The following HEMK2 variants were observed in gnomAD, a reference collection of about 807,000 sequenced individuals.
HEMK2 encodes methyltransferase HEMK2.
the HEMK2 span, chr21:28,873,690 A>G: frequency 1.3e-5 from 2 of 152,352 alleles, no homozygotes; most frequent in East Asian, 1.9e-4. Context: ...GGGGTAGTCC[A>G]GTTTCTACTT....
chr21:28,642,272 T>C, the HEMK2 span, among the ~76,000 whole-genome samples: 1 of 152,198 alleles, frequency 6.6e-6, no homozygotes, highest in Non-Finnish European at 1.5e-5. Context: ...AAAGTGATCT[T>C]GAGGTGGGAT....
chr21:28,660,396 A>T, the HEMK2 span, among the ~76,000 whole-genome samples: 7 of 151,776 alleles, frequency 4.6e-5, no homozygotes, highest in Admixed American at 4.6e-4. Context: ...TTTTACTTTT[A>T]CATAAAATGT....
At chr21:28,738,486 G>A in the HEMK2 span, among the ~76,000 whole-genome samples, 4 of 152,312 alleles carry the variant, frequency 2.6e-5, no homozygotes, top group South Asian at 2.1e-4. Flanking sequence ...CACAGAGAAC[G>A]TCTCCCTCTT....
chr21:28,657,678 A>G, the HEMK2 span, among the ~76,000 whole-genome samples: 1 of 152,214 alleles, frequency 6.6e-6, no homozygotes, highest in Non-Finnish European at 1.5e-5. Flanking sequence ...AGAATACTGG[A>G]GTTTTTTAAA....
At chr21:28,720,826 A>G in the HEMK2 span, among the ~76,000 whole-genome samples, 1 of 152,192 alleles carries the variant, frequency 6.6e-6, no homozygotes, top group Non-Finnish European at 1.5e-5. Flanking sequence ...AGAGCACTCA[A>G]CTGGAGCTGG....
At chr21:28,772,595 T>C in the HEMK2 span, among the ~76,000 whole-genome samples, 12 of 152,232 alleles carry the variant, frequency 7.9e-5, no homozygotes, top group African/African-American at 2.7e-4. Flanking sequence ...TTTAATGTAT[T>C]TTCAAATTAT....
the HEMK2 span, among the ~76,000 whole-genome samples, chr21:28,630,600 T>C: frequency 7.9e-5 from 12 of 151,490 alleles, no homozygotes; most frequent in African/African-American, 2.4e-4. Context: ...TATGCAGCCA[T>C]AAAAAATGAT....
chr21:28,678,927 T>C, the HEMK2 span, among the ~76,000 whole-genome samples: 4 of 152,246 alleles, frequency 2.6e-5, no homozygotes, highest in East Asian at 7.7e-4. Context: ...CCGGTACCAG[T>C]CACTGCAAAA....
the HEMK2 span, among the ~76,000 whole-genome samples, chr21:28,647,277 A>T: frequency 6.9e-6 from 1 of 144,600 alleles, no homozygotes; most frequent in Admixed American, 6.9e-5. Context: ...CAGGGTCAAG[A>T]GATCGAGACT....
chr21:28,867,372 C>A, the HEMK2 span, among the ~76,000 whole-genome samples: 24 of 152,140 alleles, frequency 1.6e-4, no homozygotes, highest in Non-Finnish European at 2.8e-4. Flanking sequence ...TTATAAAAAT[C>A]TTTTTATAAT....
At chr21:28,799,405 C>T in the HEMK2 span, among the ~76,000 whole-genome samples, 1 of 152,114 alleles carries the variant, frequency 6.6e-6, no homozygotes, top group Non-Finnish European at 1.5e-5. Flanking sequence ...CCACTGGGTC[C>T]CTCCCACAAC....
At chr21:28,869,600 G>A in the HEMK2 span, among the ~76,000 whole-genome samples, 1 of 152,270 alleles carries the variant, frequency 6.6e-6, no homozygotes, top group South Asian at 2.1e-4. Context: ...TCCAGGACTG[G>A]CTCGAAAATC....
At chr21:28,834,611 T>C in the HEMK2 span, among the ~76,000 whole-genome samples, 2 of 152,122 alleles carry the variant, frequency 1.3e-5, no homozygotes, top group African/African-American at 4.8e-5. Context: ...CTAGCTGAAC[T>C]ATGTAACAAT....
At chr21:28,878,165 C>G in the HEMK2 span, 1 of 1,505,654 alleles carries the variant, frequency 6.6e-7, no homozygotes, top group East Asian at 2.4e-5. Flanking sequence ...AACATAAATG[C>G]TTAAACAATA....
chr21:28,616,207 G>A, the HEMK2 span, among the ~76,000 whole-genome samples: 1 of 152,174 alleles, frequency 6.6e-6, no homozygotes, highest in Non-Finnish European at 1.5e-5. Flanking sequence ...CAAGGCTGAA[G>A]ATAGTGCTAA....
the HEMK2 span, among the ~76,000 whole-genome samples, chr21:28,797,118 T>C: frequency 6.6e-6 from 1 of 152,144 alleles, no homozygotes; most frequent in Non-Finnish European, 1.5e-5. Flanking sequence ...GATGCCAAGA[T>C]ATTCTTGTTT....
the HEMK2 span, among the ~76,000 whole-genome samples, chr21:28,866,864 T>C: frequency 6.6e-6 from 1 of 152,036 alleles, no homozygotes; most frequent in Admixed American, 6.5e-5. Flanking sequence ...ACAACAGAAA[T>C]CTGATACAAA....
At chr21:28,596,886 T>C in the HEMK2 span, among the ~76,000 whole-genome samples, 2,709 of 152,302 alleles carry the variant, frequency 0.018, 101 homozygotes, top group African/African-American at 0.063. Flanking sequence ...ATAGGTCCCA[T>C]AGCTTTCAGT....
chr21:28,665,375 T>C, the HEMK2 span, among the ~76,000 whole-genome samples: 1 of 86,216 alleles, frequency 1.2e-5, no homozygotes, highest in Non-Finnish European at 1.9e-5. Flanking sequence ...AATTTTCTTT[T>C]TTTTTTTTTT....
Sources: gnomAD v4.1 joint callset for allele counts (sites outside exome capture counted in the v4.1 genomes callset) on GRCh38, gnomAD v4.1.1 for gene constraint, MANE v1.5 for transcripts, NCBI Gene and HGNC (gene_info 2026-07-23, HGNC 2026-07-21) for gene names.